The following AHNAK variants were observed in gnomAD, a reference collection of about 807,000 sequenced individuals.
The protein encoded by AHNAK is AHNAK nucleoprotein, also known as neuroblast differentiation-associated protein AHNAK.
A neutral mutation model predicts 37.8 loss-of-function variants in AHNAK; 23 were observed. The ratio of observed to expected loss-of-function variants is 0.61; its 90% CI spans 0.44 to 0.86. The LOEUF is 0.86. Ranked by LOEUF, AHNAK falls within the 40% of genes least tolerant of loss-of-function variation. The pLI is 0.00. For synonymous variants in AHNAK, 2,481 were observed against 2,636.3 expected (o/e 0.94, Z 1.80); for missense variants, 7,411 against 7,319.4 (o/e 1.01, Z -0.46).
chr11:62,490,155 G>A (rs1424244314), intron 5 of AHNAK, among the ~76,000 whole-genome samples: 4 of 151,620 alleles, frequency 2.6e-5, no homozygotes, highest in East Asian at 1.9e-4. Context: ...ACCACAGCAA[G>A]AGGGGTTCGG....
intron 5 of AHNAK, among the ~76,000 whole-genome samples, chr11:62,481,283 T>C (rs1939267940): frequency 6.6e-6 from 1 of 151,942 alleles, no homozygotes; most frequent in Non-Finnish European, 1.5e-5. Flanking sequence ...TTTTTGTATT[T>C]TTTAGTAGAG....
rs775706270 is a variant in AHNAK, at chr11:62,518,892, G to A, written c.15525C>T (p.Ile5175=). The change falls in exon 5 of 5, where the codon ATC becomes ATT. Residue 5175 remains isoleucine (I), a synonymous_variant. Transcript: ENST00000378024. ...TTTTGACTTTAGCATCTAGGCCTTC[G>A]ATGTTGATGTCAGGTGCACCCAAGT... ...QANLGAPDIN[I]EGLDAKVKTP... The A allele has an allele frequency of 1.5e-5, 24 of 1,614,108 alleles. No individual in the cohort carries two copies. Among genetic ancestry groups the A allele is most frequent in the Admixed American group, 6.7e-5 (4 of 60,006 alleles).
intron 4 of AHNAK, among the ~76,000 whole-genome samples, chr11:62,501,209 A>C (rs1184468736): frequency 6.6e-6 from 1 of 152,116 alleles, no homozygotes; most frequent in East Asian, 1.9e-4. Context: ...CCAAAAAAAA[A>C]AAACAATTTT....
intron 2 of AHNAK, 44 bp downstream of exon 2, chr11:62,536,425 C>T (rs1940951462): frequency 3.9e-6 from 1 of 254,652 alleles, no homozygotes; most frequent in Non-Finnish European, 7.5e-6. Context: ...ACCCTCCCCA[C>T]ATCCCGTCAC....
Position 62,525,047 on chromosome 11 carries a change from C to G in AHNAK, c.9370G>C (p.Asp3124His). The G allele has an allele frequency of 6.2e-7, 1 of 1,613,794 alleles. No individual in the cohort carries two copies. The highest frequency in any genetic ancestry group is 8.5e-7 in the Non-Finnish European group (1 of 1,179,964). ...ACTTTGGGGCCTTTAATATCCACGT[C>G]AGGAACTTTCATGTCACCTTCCACT... is the stretch of plus-strand genomic sequence containing the variant. ...PKVEGDMKVP[D>H]VDIKGPKVDI... Residue 3124 changes from aspartate to histidine, a missense_variant, in exon 5 of 5, where the codon GAC becomes CAC. Asp to His is a moderately conservative substitution (Grantham distance 81, BLOSUM62 -1). Coordinates refer to ENST00000378024, the MANE Select transcript of AHNAK (RefSeq NM_001620.3).
rs1940017433 is a variant in AHNAK at position 62,516,338 on chromosome 11, C to T, written c.*406G>A. On this transcript the variant is annotated 3_prime_UTR_variant, in exon 5 of 5. Coordinates refer to ENST00000378024, the MANE Select transcript of AHNAK (RefSeq NM_001620.3). Reference sequence around the variant, plus strand: ...CGTCTGCAACCCATCACCCCACCCACCCTTACTAACAAAAGCCCCCAAAGT... The same window carrying T: ...CGTCTGCAACCCATCACCCCACCCATCCTTACTAACAAAAGCCCCCAAAGT... 1.6e-6 allele frequency: 2 copies of T among 1,287,632 alleles called. No individual in the cohort carries two copies. The highest frequency in any genetic ancestry group is 2.0e-6 in the Non-Finnish European group (2 of 987,616). 79.8% of individuals were successfully genotyped at this position (1,287,632 alleles called of 1,614,324 possible).
chr11:62,469,162 C>T lies in AHNAK; in HGVS notation c.442+22570G>A, dbSNP rs565817869. Among the ~76,000 whole-genome samples, 4 of 152,214 alleles carry T rather than the reference C, an allele frequency of 2.6e-5. No individual in the cohort carries two copies. The East Asian group carries it at 7.7e-4, about 29-fold the overall frequency. On this transcript the variant is annotated intron_variant, in intron 5 of 5. Coordinates refer to the AHNAK transcript ENST00000257247. ...TTTGAGTCGGAGTCTTGTTCTGTTG[C>T]CCAGGCTGGAGTGCAGTGGTGTGGT...
chr11:62,490,381 G>A (rs57973105), intron 5 of AHNAK, among the ~76,000 whole-genome samples: 21,978 of 151,252 alleles, frequency 0.15, 3,916 homozygotes, highest in African/African-American at 0.42. Flanking sequence ...TTGTATTTTT[G>A]GTAGAGACAG....
rs774222874 is a variant in AHNAK, at chr11:62,527,002, T to A, written c.7415A>T (p.Asp2472Val). 3.1e-6 allele frequency: 5 copies of A among 1,614,006 alleles called. No homozygotes were observed. The highest frequency in any genetic ancestry group is 1.7e-4 in the Middle Eastern group (1 of 6,056). ...ACCTTCTACCTCAGGCACAGACACA[T>A]CCACATCCCCCTTGATTTTGGGTCC... ...LKGPKIKGDV[D>V]VSVPEVEGKL... Residue 2472 changes from aspartate (D) to valine (V), a missense_variant, in exon 5 of 5, where the codon GAT becomes GTT. Physicochemically the swap from Asp to Val is radical, Grantham distance 152. Transcript: ENST00000378024.
At chr11:62,541,342 C>T (rs1941117695) in intron 1 of AHNAK, among the ~76,000 whole-genome samples, 1 of 152,206 alleles carries the variant, frequency 6.6e-6, no homozygotes, top group Non-Finnish European at 1.5e-5. Context: ...AACTTCCGCC[C>T]AGCATGGCAG....
chr11:62,438,651 G>A (rs1009229802), intron 5 of AHNAK, among the ~76,000 whole-genome samples: 1 of 152,062 alleles, frequency 6.6e-6, no homozygotes, highest in Non-Finnish European at 1.5e-5. Context: ...GATGAAGAGA[G>A]GATTTAATTT....
Position 62,532,472 on chromosome 11 carries a change from G to A in AHNAK, c.1945C>T (p.His649Tyr). 6.2e-7 allele frequency: 1 copy of A among 1,613,804 alleles called. No homozygotes were observed. Among genetic ancestry groups the A allele is most frequent in the Non-Finnish European group, 8.5e-7 (1 of 1,179,964 alleles). ...ATATCTCCTTTGGGTAGAGTCATAT[G>A]AACATCTGGACCTTCCCCTTTGGCT... ...PGAKGEGPDV[H>Y]MTLPKGDISI... The change falls in exon 5 of 5, where the codon CAT becomes TAT. Residue 649 changes from histidine (H) to tyrosine (Y), a missense_variant. His to Tyr is a moderately conservative substitution (Grantham distance 83, BLOSUM62 2). Coordinates refer to ENST00000378024, the MANE Select transcript of AHNAK (RefSeq NM_001620.3).
rs1940263454 is a variant in AHNAK at position 62,521,958 on chromosome 11, T to A, written c.12459A>T (p.Lys4153Asn). Residue 4153 changes from lysine (K) to asparagine (N), a missense_variant, in exon 5 of 5, where the codon AAA (lysine) becomes AAT (asparagine). Physicochemically the swap from Lys to Asn is moderately conservative, Grantham distance 94. Transcript: ENST00000378024. ...CAGGGCCCTTGAGGTCGCCTTCCAC[T>A]TTGGGCAGAGAAACGTCCACGTCGC... ...MKGDVDVSLP[K>N]VEGDLKGPEV... 1 of 1,610,264 alleles carries A rather than the reference T, an allele frequency of 6.2e-7. No homozygotes were observed. Among genetic ancestry groups the A allele is most frequent in the South Asian group, 1.1e-5 (1 of 90,888 alleles).
In AHNAK at chr11:62,520,149, G is replaced by A. The variant is rs748360331; in HGVS notation, c.14268C>T (p.Asp4756=). Residue 4756 remains aspartate, a synonymous_variant, in exon 5 of 5, where the codon GAC becomes GAT. Coordinates refer to ENST00000378024, the MANE Select transcript of AHNAK (RefSeq NM_001620.3). The part of the protein sequence containing the change: ...VEGDLKGPEA[D]IKGPKVDINT... ...TGATGTCCACTTTTGGGCCCTTGAT[G>A]TCAGCTTCTGGGCCCTTGAGGTCAC... 7 of 1,613,156 alleles carry A rather than the reference G, an allele frequency of 4.3e-6. No homozygotes were observed. Among genetic ancestry groups the A allele is most frequent in the African/African-American group, 2.7e-5 (2 of 74,554 alleles).
chr11:62,518,897 T>G lies in AHNAK; in HGVS notation c.15520A>C (p.Asn5174His), dbSNP rs763164549. 1.2e-6 allele frequency: 2 copies of G among 1,614,224 alleles called. No individual in the cohort carries two copies. The highest frequency in any genetic ancestry group is 1.7e-5 in the Admixed American group (1 of 60,028). Residue 5174 changes from asparagine to histidine, a missense_variant, in exon 5 of 5, where the codon AAC becomes CAC. Asn to His is a moderately conservative substitution (Grantham distance 68). Coordinates refer to ENST00000378024, the MANE Select transcript of AHNAK (RefSeq NM_001620.3). ...ACTTTAGCATCTAGGCCTTCGATGT[T>G]GATGTCAGGTGCACCCAAGTTTGCC... is the stretch of plus-strand genomic sequence containing the variant. ...VQANLGAPDI[N>H]IEGLDAKVKT...
intron 5 of AHNAK, among the ~76,000 whole-genome samples, chr11:62,455,640 A>G (rs1159825202): frequency 6.6e-6 from 1 of 151,238 alleles, no homozygotes; most frequent in Non-Finnish European, 1.5e-5. Flanking sequence ...GGGAGGTGGA[A>G]GTTGCGGTGA....
rs76611638 is a variant in AHNAK, at chr11:62,535,071, G to T, written c.274C>A (p.Arg92Ser). The change falls in exon 4 of 5, where the codon CGC (arginine) becomes AGC (serine). Residue 92 changes from arginine (R) to serine (S), a missense_variant. Arg to Ser is a moderately radical substitution (Grantham distance 110, BLOSUM62 -1). Coordinates refer to ENST00000378024, the MANE Select transcript of AHNAK (RefSeq NM_001620.3). ...VGLKLHRKGD[R>S]SPEPGQTWTR... is the part of the protein sequence containing the mutation. ...CAGGTCTGGCCAGGCTCGGGAGAGCGGTCCCCCTTGCGGTGCAGCTTCAGG... is the reference window on the plus strand; with the variant it reads ...CAGGTCTGGCCAGGCTCGGGAGAGCTGTCCCCCTTGCGGTGCAGCTTCAGG... 1.9e-6 allele frequency: 3 copies of T among 1,613,948 alleles called. No individual in the cohort carries two copies. The highest frequency in any genetic ancestry group is 1.7e-6 in the Non-Finnish European group (2 of 1,179,918).
At chr11:62,467,510 T>A (rs1367983598) in intron 5 of AHNAK, among the ~76,000 whole-genome samples, 1 of 151,724 alleles carries the variant, frequency 6.6e-6, no homozygotes, top group African/African-American at 2.4e-5. Context: ...CATGGGGAAA[T>A]CTCATCTCTA....
At chr11:62,542,445 A>C (rs1590695020) in intron 1 of AHNAK, among the ~76,000 whole-genome samples, 55 of 125,838 alleles carry the variant, frequency 4.4e-4, no homozygotes, top group African/African-American at 8.3e-4. Flanking sequence ...CCTCCCCATC[A>C]CCCCCTTCCC....
Sources: allele counts gnomAD v4.1 joint callset (sites outside exome capture counted in the v4.1 genomes callset), GRCh38; gene constraint gnomAD v4.1.1; transcripts MANE v1.5; gene names NCBI Gene and HGNC (gene_info 2026-07-23, HGNC 2026-07-21).